MYH7B: variants seen among roughly 807,000 people sequenced by gnomAD.
MYH7B encodes myosin-7B.
Under a neutral mutation model 234.5 loss-of-function variants are expected in MYH7B, and 205 were observed. That is an observed-to-expected ratio of 0.87 (90% CI 0.78 to 0.98). The LOEUF (loss-of-function observed/expected upper bound fraction) is 0.98. MYH7B is among the 50% of genes least tolerant of loss of function. The pLI, the probability that MYH7B is intolerant of heterozygous loss-of-function variation, is 0.00. For synonymous variants in MYH7B, 1,193 were observed against 1,105.0 expected (o/e 1.08, Z -1.58); for missense variants, 2,652 against 2,633.4 (o/e 1.01, Z -0.15).
At chr20:34,999,194 C>T (rs1162000576) in exon 36 of MYH7B, 28 of 1,612,836 alleles carry the variant, frequency 1.7e-5, no homozygotes, top group Non-Finnish European at 2.4e-5. Context: ...AGCGGGCGAC[C>T]TCAGCAGCTG....
chr20:35,002,420 G>GTTA (rs1555899330), exon 45 of MYH7B: 6 of 421,132 alleles, frequency 1.4e-5, no homozygotes, highest in African/African-American at 1.2e-4. Context: ...TTAAAATAAA[G>GTTA]TTATTTAATA....
chr20:34,994,235 C>G, exon 27 of MYH7B: 1 of 1,613,198 alleles, frequency 6.2e-7, no homozygotes, highest in Non-Finnish European at 8.5e-7. Flanking sequence ...AAGATGAAGC[C>G]GCTGCTGCGC....
intron 5 of MYH7B, 28 bp from the exon 6 acceptor site, chr20:34,979,362 T>G: frequency 6.4e-7 from 1 of 1,574,194 alleles, no homozygotes; most frequent in Non-Finnish European, 8.7e-7. Flanking sequence ...AGCCCCTCTC[T>G]GAGTCCAGAG....
intron 39 of MYH7B, 25 bp downstream of exon 39, chr20:35,000,714 A>G (rs2147245450): frequency 2.5e-6 from 4 of 1,602,978 alleles, no homozygotes; most frequent in Admixed American, 1.7e-5. Flanking sequence ...CCCTGGGGAC[A>G]GAGCAGGTGC....
exon 27 of MYH7B, chr20:34,994,303 G>C (rs1315270753): frequency 6.2e-7 from 1 of 1,611,102 alleles, no homozygotes; most frequent in Non-Finnish European, 8.5e-7. Flanking sequence ...GGGGTTGCGA[G>C]GGGCGCTGGC....
At chr20:34,959,881 T>C (rs1349107064) in intron 2 of MYH7B, among the ~76,000 whole-genome samples, 2 of 152,210 alleles carry the variant, frequency 1.3e-5, no homozygotes, top group Admixed American at 6.5e-5. Flanking sequence ...ACAGTCGTTA[T>C]CTCACTTTCC....
chr20:34,963,177 A>G (rs568676768), intron 2 of MYH7B, among the ~76,000 whole-genome samples: 67 of 152,370 alleles, frequency 4.4e-4, no homozygotes, highest in African/African-American at 1.6e-3. Context: ...AAGTCTGTAC[A>G]TGCTCAGTAC....
intron 2 of MYH7B, among the ~76,000 whole-genome samples, chr20:34,959,907 C>T (rs376261169): frequency 6.6e-6 from 1 of 152,204 alleles, no homozygotes; most frequent in South Asian, 2.1e-4. Context: ...CTCCCTATCA[C>T]ATCAGTATCT....
At chr20:34,963,292 A>G (rs1423880044) in intron 2 of MYH7B, among the ~76,000 whole-genome samples, 3 of 152,246 alleles carry the variant, frequency 2.0e-5, no homozygotes, top group Non-Finnish European at 2.9e-5. Flanking sequence ...GATTGTGGCC[A>G]TCCTGGTTGG....
At chr20:34,979,273 G>A (rs1476984694) in intron 5 of MYH7B, 117 bp from the exon 6 acceptor site, 3 of 749,224 alleles carry the variant, frequency 4.0e-6, no homozygotes, top group South Asian at 4.1e-5. Flanking sequence ...CCTGGGTCCT[G>A]GCAGAGGGGC....
Position 34,987,000 on chromosome 20 carries a change from T to C in MYH7B, c.1008+11T>C. On this transcript the variant is annotated intron_variant, in intron 15 of 44. Transcript: ENST00000262873. ...CTCATCGCCACCGACGTATGAGCTC[T>C]GGTGGGAGGGGAGCTGTGTGGACGC... is the stretch of plus-strand genomic sequence containing the variant. The C allele has an allele frequency of 6.2e-7, 1 of 1,612,102 alleles. No individual in the cohort carries two copies. The highest frequency in any genetic ancestry group is 8.5e-7 in the Non-Finnish European group (1 of 1,178,490).
In MYH7B at chr20:34,962,330, A is replaced by C. The variant is rs188456587; in HGVS notation, c.-222+4118A>C. Among the ~76,000 whole-genome samples the C allele has an allele frequency of 3.7e-3, 559 of 152,286 alleles. 8 individuals are homozygous for C. The highest frequency in any genetic ancestry group is 2.6e-3 in the Non-Finnish European group (178 of 68,020). On this transcript the variant is annotated intron_variant, in intron 2 of 44. Transcript: ENST00000262873. ...TACCTAGGAGTGGAATTGCCGGGTA[A>C]TATGGTAAGTATATGTTTAACTTTT...
chr20:34,986,010 C>T lies in MYH7B; in HGVS notation c.806-90C>T, dbSNP rs2082015269. ...CAGATGCAGCCCCCCTGCACACTCC[C>T]TGCCCACCTCTCTCCCTCCGCATCG... On this transcript the variant is annotated intron_variant, in intron 13 of 44. Transcript: ENST00000262873. 13 of 1,150,040 alleles carry T rather than the reference C, an allele frequency of 1.1e-5. No individual in the cohort carries two copies. The South Asian group carries it at 1.5e-4, about 13-fold the overall frequency. 71.2% of individuals were successfully genotyped at this position (1,150,040 alleles called of 1,614,324 possible).
intron 8 of MYH7B, 22 bp from the exon 9 acceptor site, chr20:34,981,011 T>G: frequency 6.2e-7 from 1 of 1,614,076 alleles, no homozygotes; most frequent in South Asian, 1.1e-5. Flanking sequence ...CTGACTTCTC[T>G]ATCCCCTTCC....
chr20:35,000,609 G>C (rs757411498), exon 39 of MYH7B: 3 of 1,571,866 alleles, frequency 1.9e-6, no homozygotes, highest in South Asian at 2.3e-5. Flanking sequence ...GGCTGCCCTG[G>C]AGCAGGGCGA....
exon 33 of MYH7B, chr20:34,998,404 G>T: frequency 6.2e-7 from 1 of 1,613,330 alleles, no homozygotes; most frequent in South Asian, 1.1e-5. Flanking sequence ...CAGCGTGGGC[G>T]ACTACAGACG....
At chr20:34,973,587 A>G (rs910354135) in intron 2 of MYH7B, among the ~76,000 whole-genome samples, 1 of 152,172 alleles carries the variant, frequency 6.6e-6, no homozygotes, top group Non-Finnish European at 1.5e-5. Flanking sequence ...TGGTGCTGGC[A>G]GGCTCACTTT....
chr20:35,000,680 G>A, exon 39 of MYH7B: 1 of 1,592,632 alleles, frequency 6.3e-7, no homozygotes, highest in Non-Finnish European at 8.5e-7. Context: ...TCAACCTTCT[G>A]CATTCGCAGG....
At chr20:35,002,150 C>T in intron 44 of MYH7B, 27 bp from the exon 45 acceptor site, 1 of 1,594,268 alleles carries the variant, frequency 6.3e-7, no homozygotes, top group Non-Finnish European at 8.5e-7. Context: ...GGTAGTACTG[C>T]TCACTCAGCT....
Sources: gnomAD v4.1 joint callset for allele counts (sites outside exome capture counted in the v4.1 genomes callset) on GRCh38, gnomAD v4.1.1 for gene constraint, MANE v1.5 for transcripts, NCBI Gene and HGNC (gene_info 2026-07-23, HGNC 2026-07-21) for gene names.